Variants in RUNX1T1 observed in about 807,000 individuals in gnomAD.
RUNX1T1 encodes RUNX1 partner transcriptional co-repressor 1.
In RUNX1T1, 4 loss-of-function variants were observed where a neutral mutation model predicts 62.8. That is an observed-to-expected ratio of 0.06 (90% CI 0.03 to 0.15). The LOEUF (loss-of-function observed/expected upper bound fraction) is 0.15, where lower values mean the gene tolerates loss of function less well. Among genes scored for constraint, RUNX1T1 ranks in the 10% least tolerant of loss-of-function variants. The pLI is 1.00. For synonymous variants in RUNX1T1, 291 were observed against 286.0 expected (o/e 1.02, Z -0.18); for missense variants, 508 against 754.3 (o/e 0.67, Z 3.82).
upstream of RUNX1T1, among the ~76,000 whole-genome samples, chr8:92,065,664 C>A (rs77966678): frequency 0.011 from 1,741 of 152,330 alleles, 28 homozygotes; most frequent in African/African-American, 0.039. Flanking sequence ...CCACCACAAA[C>A]CTTTCATGAA....
At chr8:92,041,144 C>T (rs114995372) in intron 1 of RUNX1T1, among the ~76,000 whole-genome samples, 2,171 of 152,184 alleles carry the variant, frequency 0.014, 56 homozygotes, top group African/African-American at 0.049. Context: ...ATTCATATTA[C>T]CATTTTCAGG....
intron 8 of RUNX1T1, among the ~76,000 whole-genome samples, chr8:91,983,182 C>A (rs1815794655): frequency 6.6e-6 from 1 of 151,888 alleles, no homozygotes; most frequent in Non-Finnish European, 1.5e-5. Context: ...ATCCGTCTGC[C>A]TCGGCCTCCC....
intron 8 of RUNX1T1, among the ~76,000 whole-genome samples, chr8:91,979,409 A>G (rs1718660729): frequency 1.3e-5 from 2 of 152,328 alleles, no homozygotes; most frequent in South Asian, 4.1e-4. Context: ...ACTCTTAAGT[A>G]CCTATAAAAT....
At chr8:92,062,768 T>C (rs1295643213) in exon 1 of RUNX1T1, 1 of 1,522,608 alleles carries the variant, frequency 6.6e-7, no homozygotes, top group Non-Finnish European at 8.8e-7. Context: ...AGCAGAAATG[T>C]GGAGGATGAC....
At chr8:91,986,077 G>T in intron 8 of RUNX1T1, 47 bp downstream of exon 9, 1 of 1,251,438 alleles carries the variant, frequency 8.0e-7, no homozygotes, top group Non-Finnish European at 1.2e-6. Context: ...AGCATTAACA[G>T]CATAAGAAAT....
At chr8:92,095,226 C>A (rs2130934188) in intron 1 of RUNX1T1, 1 of 1,532,248 alleles carries the variant, frequency 6.5e-7, no homozygotes, top group Non-Finnish European at 8.7e-7. Flanking sequence ...GTCTTATCGA[C>A]TTCTGAATCA....
At chr8:92,031,832 C>T (rs188151545) in intron 1 of RUNX1T1, among the ~76,000 whole-genome samples, 35 of 152,126 alleles carry the variant, frequency 2.3e-4, no homozygotes, top group Admixed American at 5.9e-4. Flanking sequence ...TGGCTCACTC[C>T]TGTAATCCCA....
chr8:92,020,825 CT>C (rs372324370), intron 1 of RUNX1T1, among the ~76,000 whole-genome samples: 3,146 of 130,532 alleles, frequency 0.024, 98 homozygotes, highest in Admixed American at 0.12. Context: ...TTCCCATTTC[CT>C]TTTTTTTTTT....
chr8:92,019,046 A>C lies in RUNX1T1; in HGVS notation c.8-1683T>G, dbSNP rs1453977552. On this transcript the variant is annotated intron_variant, in intron 1 of 10. Coordinates refer to ENST00000396218, the Ensembl canonical transcript of RUNX1T1. ...TTCAGATTGCTACAACCAGTAAGTC[A>C]CTTATTCTAGAAAAATACAGAAGTT... 1.3e-5 allele frequency: 2 copies of C among 152,162 alleles called. 1 individual carries two copies. The highest frequency in any genetic ancestry group is 2.9e-5 in the Non-Finnish European group (2 of 68,026). The allele number at this position is 152,162 out of a possible 1,614,324, so 9.4% of individuals were successfully genotyped here.
chr8:92,021,039 G>T (rs1350462507), intron 1 of RUNX1T1, among the ~76,000 whole-genome samples: 4 of 152,126 alleles, frequency 2.6e-5, no homozygotes, highest in African/African-American at 9.7e-5. Flanking sequence ...TTGGTAGGTG[G>T]TACATCTTTT....
chr8:92,007,281 C>G (rs977282058), intron 4 of RUNX1T1, among the ~76,000 whole-genome samples: 4 of 152,046 alleles, frequency 2.6e-5, no homozygotes, highest in African/African-American at 4.8e-5. Context: ...GCCTGGCCAA[C>G]ATGGTGAAAC....
intron 1 of RUNX1T1, among the ~76,000 whole-genome samples, chr8:92,096,637 C>T (rs1314405120): frequency 6.6e-6 from 1 of 152,186 alleles, no homozygotes; most frequent in African/African-American, 2.4e-5. Flanking sequence ...TTAAGAAGCT[C>T]TCACTACAGC....
intron 10 of RUNX1T1, among the ~76,000 whole-genome samples, chr8:91,961,858 A>G (rs1253233294): frequency 6.6e-6 from 1 of 152,242 alleles, no homozygotes; most frequent in Non-Finnish European, 1.5e-5. Context: ...ACAATCTGGT[A>G]ACCCCAAACA....
intron 1 of RUNX1T1, among the ~76,000 whole-genome samples, chr8:92,038,046 C>CTTTATTTATTTATTTA (rs58091057): frequency 0.025 from 3,810 of 150,040 alleles, 200 homozygotes; most frequent in African/African-American, 0.089. Flanking sequence ...CAAAATTCTT[C>CTTTATTTATTTATTTA]TTTATTTATT....
intron 3 of RUNX1T1, among the ~76,000 whole-genome samples, chr8:92,013,273 T>C (rs914378854): frequency 6.6e-6 from 1 of 152,228 alleles, no homozygotes; most frequent in African/African-American, 2.4e-5. Context: ...GAAAATCACC[T>C]TCCTGTCTTG....
At chr8:92,065,941 T>G (rs908153313), upstream of RUNX1T1, among the ~76,000 whole-genome samples, 4 of 152,330 alleles carry the variant, frequency 2.6e-5, no homozygotes, top group African/African-American at 9.6e-5. Flanking sequence ...AACCAAATAC[T>G]TTCCTACCCC....
intron 10 of RUNX1T1, among the ~76,000 whole-genome samples, chr8:91,963,108 G>T (rs1204068774): frequency 6.6e-6 from 1 of 152,224 alleles, no homozygotes; most frequent in Non-Finnish European, 1.5e-5. Flanking sequence ...AAATAAAAAA[G>T]TGGAATTGTG....
At chr8:92,000,869 GA>G (rs1261449293) in intron 5 of RUNX1T1, among the ~76,000 whole-genome samples, 1 of 152,180 alleles carries the variant, frequency 6.6e-6, no homozygotes, top group Non-Finnish European at 1.5e-5. Flanking sequence ...GGTGAAAAAA[GA>G]GAAGCTTAAG....
intron 5 of RUNX1T1, chr8:91,994,440 C>A (rs781486596): frequency 3.8e-6 from 1 of 259,814 alleles, no homozygotes; most frequent in Non-Finnish European, 8.0e-6. Context: ...CTGGAAAATA[C>A]TGAAGACTAT....
Sources: gnomAD v4.1 joint callset for allele counts (sites outside exome capture counted in the v4.1 genomes callset) on GRCh38, gnomAD v4.1.1 for gene constraint, MANE v1.5 for transcripts, NCBI Gene and HGNC (gene_info 2026-07-23, HGNC 2026-07-21) for gene names.